SCN3A: variants seen among roughly 807,000 people sequenced by gnomAD.
SCN3A encodes sodium channel protein type 3 subunit alpha.
Under a neutral mutation model 187.6 loss-of-function variants are expected in SCN3A, and 60 were observed. The observed-to-expected ratio is 0.32, with a 90% CI of 0.26 to 0.40. The LOEUF is 0.40. SCN3A is among the 10% of genes least tolerant of loss of function. SCN3A has a pLI of 1.00. For missense variants in SCN3A, 1,601 were observed against 2,428.2 expected (o/e 0.66, Z 7.16); for synonymous variants, 788 against 829.2 (o/e 0.95, Z 0.85).
chr2:165,191,735 T>G (rs932943483), intron 1 of SCN3A, among the ~76,000 whole-genome samples: 2 of 152,198 alleles, frequency 1.3e-5, no homozygotes, highest in East Asian at 1.9e-4. Context: ...TTACTTATAA[T>G]GTTTATTATT....
At chr2:165,136,377 G>C (rs1363157700) in intron 15 of SCN3A, among the ~76,000 whole-genome samples, 1 of 152,072 alleles carries the variant, frequency 6.6e-6, no homozygotes, top group Non-Finnish European at 1.5e-5. Context: ...AGGTCTAAAA[G>C]GTTAATAGCA....
chr2:165,132,742 C>T (rs959522955), intron 15 of SCN3A, among the ~76,000 whole-genome samples: 4 of 152,180 alleles, frequency 2.6e-5, no homozygotes, highest in Non-Finnish European at 5.9e-5. Context: ...ACGTCTAAAA[C>T]ACCAAAAGCA....
chr2:165,193,714 G>T (rs1429134516), intron 1 of SCN3A, among the ~76,000 whole-genome samples: 1 of 152,044 alleles, frequency 6.6e-6, no homozygotes, highest in Non-Finnish European at 1.5e-5. Context: ...GGAAAATTGA[G>T]AACTGGGAAC....
At chr2:165,190,169 C>A (rs1481251357) in intron 1 of SCN3A, among the ~76,000 whole-genome samples, 1 of 152,028 alleles carries the variant, frequency 6.6e-6, no homozygotes, top group African/African-American at 2.4e-5. Context: ...TTCAAATGGG[C>A]AAATCACCAA....
At chr2:165,164,886 A>C (rs1345865296) in intron 5 of SCN3A, among the ~76,000 whole-genome samples, 1 of 152,190 alleles carries the variant, frequency 6.6e-6, no homozygotes, top group East Asian at 1.9e-4. Context: ...CGAAAAGATG[A>C]GAAGAAGCAA....
chr2:165,126,081 GT>G (rs1686972652), intron 18 of SCN3A, among the ~76,000 whole-genome samples: 1 of 152,050 alleles, frequency 6.6e-6, no homozygotes, highest in Admixed American at 6.6e-5. Context: ...TTCAGATCAA[GT>G]TTTGTTGATA....
intron 21 of SCN3A, among the ~76,000 whole-genome samples, chr2:165,100,817 A>G (rs1685569138): frequency 6.6e-6 from 1 of 152,206 alleles, no homozygotes; most frequent in Non-Finnish European, 1.5e-5. Context: ...TATCTTAGTT[A>G]TGCATTCTGG....
At chr2:165,118,597 T>TC (rs1412165685) in intron 18 of SCN3A, among the ~76,000 whole-genome samples, 4 of 152,124 alleles carry the variant, frequency 2.6e-5, no homozygotes, top group African/African-American at 4.8e-5. Flanking sequence ...CTTTTTTTTT[T>TC]CCCCCTTGGG....
intron 27 of SCN3A, 27 bp from the exon 28 acceptor site, chr2:165,091,372 A>G (rs894982550): frequency 1.2e-6 from 2 of 1,613,176 alleles, no homozygotes; most frequent in South Asian, 1.1e-5. Context: ...ACACAGCTAA[A>G]CAGATAATAT....
At chr2:165,200,475 C>A (rs1692243766) in intron 1 of SCN3A, among the ~76,000 whole-genome samples, 1 of 151,992 alleles carries the variant, frequency 6.6e-6, no homozygotes, top group African/African-American at 2.4e-5. Flanking sequence ...CTTATGGATG[C>A]TTTTAGTTAT....
At chr2:165,155,411 T>A (rs1416619268) in intron 10 of SCN3A, among the ~76,000 whole-genome samples, 1 of 152,046 alleles carries the variant, frequency 6.6e-6, no homozygotes, top group Non-Finnish European at 1.5e-5. Context: ...TTTCCCTTTC[T>A]TTTTTTGAGA....
rs1452880504 is a variant in SCN3A, at chr2:165,097,608, T to C, written c.3967-84A>G. The C allele has an allele frequency of 2.0e-6, 3 of 1,525,696 alleles. No homozygotes were observed. The African/African-American group carries it at 4.1e-5, about 21-fold the overall frequency. The allele number at this position is 1,525,696 out of a possible 1,614,324, so 94.5% of individuals were successfully genotyped here. ...TCAATGTATTTGTTTAGTATTAATA[T>C]GTGCTTGAAAAGAGTTAAATAAAAA... On this transcript the variant is annotated intron_variant, in intron 22 of 27. Coordinates refer to ENST00000283254, the MANE Select transcript of SCN3A (RefSeq NM_006922.4).
At chr2:165,162,940 C>A in intron 7 of SCN3A, 112 bp from the exon 8 acceptor site, 2 of 1,301,778 alleles carry the variant, frequency 1.5e-6, no homozygotes, top group East Asian at 4.6e-5. Context: ...TATTTAGACA[C>A]CAAAGCTGTA....
At chr2:165,125,479 T>C (rs1330454518) in intron 18 of SCN3A, among the ~76,000 whole-genome samples, 2 of 151,976 alleles carry the variant, frequency 1.3e-5, no homozygotes, top group African/African-American at 4.8e-5. Context: ...AATTTTTTTG[T>C]ATTTATTTAT....
intron 6 of SCN3A, chr2:165,163,997 G>A: frequency 9.4e-7 from 1 of 1,063,144 alleles, no homozygotes; most frequent in Non-Finnish European, 1.4e-6. Context: ...TTAACAAATG[G>A]AATTGCTATA....
chr2:165,114,052 C>G, intron 19 of SCN3A, 82 bp from the exon 20 acceptor site: 1 of 819,946 alleles, frequency 1.2e-6, no homozygotes, highest in Admixed American at 2.5e-5. Context: ...CTTCCCCACT[C>G]CACTTCCAGG....
chr2:165,105,414 A>G (rs928844043), intron 21 of SCN3A, among the ~76,000 whole-genome samples: 1 of 152,106 alleles, frequency 6.6e-6, no homozygotes, highest in African/African-American at 2.4e-5. Context: ...TTCTTAGGAC[A>G]AGGGCACCCG....
chr2:165,163,354 AAGAG>A (rs202187393), intron 7 of SCN3A, among the ~76,000 whole-genome samples: 3 of 151,604 alleles, frequency 2.0e-5, no homozygotes, highest in Admixed American at 6.6e-5. Context: ...GGTAGTGAAA[AAGAG>A]AGAGAGAGAG....
chr2:165,184,959 T>C (rs16850224), intron 2 of SCN3A, among the ~76,000 whole-genome samples: 1,618 of 152,178 alleles, frequency 0.011, 22 homozygotes, highest in African/African-American at 0.037. Context: ...ATGTTATTGT[T>C]CCGTTTCTAT....
Sources: allele counts gnomAD v4.1 joint callset (sites outside exome capture counted in the v4.1 genomes callset), GRCh38; gene constraint gnomAD v4.1.1; transcripts MANE v1.5; gene names NCBI Gene and HGNC (gene_info 2026-07-23, HGNC 2026-07-21).